The following CFTR variants were observed in gnomAD, a reference collection of about 807,000 sequenced individuals.
CFTR encodes cystic fibrosis transmembrane conductance regulator.
In CFTR, 181 loss-of-function variants were observed where a neutral mutation model predicts 171.6. The observed-to-expected ratio is 1.05, with a 90% confidence interval of 0.93 to 1.19. The LOEUF (loss-of-function observed/expected upper bound fraction) is 1.19. Among genes scored for constraint, CFTR ranks in the 50% most tolerant of loss-of-function variants. The probability of loss-of-function intolerance (pLI) is 0.00; values close to 1 mark genes in which losing one functional copy is unlikely to be tolerated. For synonymous variants in CFTR, 583 were observed against 608.0 expected, an observed-to-expected ratio of 0.96 and a Z score of 0.60; for missense variants, 1,968 against 1,734.7, an observed-to-expected ratio of 1.13 and a Z score of -2.39.
At chr7:117,540,367 A>C (rs893670925) in intron 8 of CFTR, 21 bp downstream of exon 8, 1 of 1,600,036 alleles carries the variant, frequency 6.2e-7, no homozygotes, top group Non-Finnish European at 8.6e-7. Flanking sequence ...ATAATGCTGC[A>C]TTATATACTA....
chr7:117,579,280 C>T (rs1452895436), intron 11 of CFTR, among the ~76,000 whole-genome samples: 5 of 151,680 alleles, frequency 3.3e-5, no homozygotes, highest in Non-Finnish European at 7.4e-5. Flanking sequence ...AAAAAGTGAA[C>T]CCTCTCCAAA....
intron 1 of CFTR, among the ~76,000 whole-genome samples, chr7:117,501,776 C>CA (rs796991857): frequency 2.7e-3 from 228 of 84,306 alleles, no homozygotes; most frequent in South Asian, 7.6e-3. Context: ...AAAAAAGAAA[C>CA]AAAAAAAAAA....
intron 21 of CFTR, among the ~76,000 whole-genome samples, chr7:117,621,575 T>C (rs1455076275): frequency 6.6e-6 from 1 of 152,206 alleles, no homozygotes; most frequent in Non-Finnish European, 1.5e-5. Flanking sequence ...CAATGATACA[T>C]ACATAAATCT....
rs115461322 is a variant in CFTR, at chr7:117,586,675, G to T, written c.1585-1064G>T. ...ATTGGATTATTTCTGGATTGTGAAA[G>T]AAGAAGGAAGAAGCATATGGAAGAG... On this transcript the variant is annotated intron_variant, in intron 11 of 26. Coordinates refer to ENST00000003084, the MANE Select transcript of CFTR (RefSeq NM_000492.4). Among the ~76,000 whole-genome samples, 934 of 152,170 alleles carry T rather than the reference G, an allele frequency of 6.1e-3. 9 individuals are homozygous for T. The highest frequency in any genetic ancestry group is 0.022 in the African/African-American group (898 of 41,522).
intron 24 of CFTR, among the ~76,000 whole-genome samples, chr7:117,661,207 T>C (rs1793275766): frequency 6.6e-6 from 1 of 152,230 alleles, no homozygotes; most frequent in Non-Finnish European, 1.5e-5. Context: ...TATGTTGACT[T>C]TTCTCTAATG....
chr7:117,595,711 C>T (rs544908958), intron 15 of CFTR, among the ~76,000 whole-genome samples: 86 of 151,676 alleles, frequency 5.7e-4, no homozygotes, highest in African/African-American at 2.0e-3. Flanking sequence ...AGTGAGACAC[C>T]GTATCTACAA....
At chr7:117,587,358 G>C (rs1167617203) in intron 11 of CFTR, among the ~76,000 whole-genome samples, 2 of 152,224 alleles carry the variant, frequency 1.3e-5, no homozygotes, top group Middle Eastern at 3.4e-3. Flanking sequence ...TTTGAAAAGA[G>C]TGAACTTAAA....
In CFTR at chr7:117,593,533, A is replaced by G. The variant is rs117843605; in HGVS notation, c.2490+876A>G. ...GATCCCTAAAGTGTGTAATTTTAGT[A>G]TTTCTAAACTTTATGAAGGTTTCCT... On this transcript the variant is annotated intron_variant, in intron 14 of 26. Coordinates refer to ENST00000003084, the MANE Select transcript of CFTR (RefSeq NM_000492.4). 5.8e-3 allele frequency among the ~76,000 whole-genome samples: 880 copies of G among 152,302 alleles called. 5 individuals carry two copies. Among genetic ancestry groups the G allele is most frequent in the Non-Finnish European group, 1.0e-2 (680 of 68,022 alleles).
At chr7:117,565,871 G>A (rs1384702617) in intron 11 of CFTR, among the ~76,000 whole-genome samples, 2 of 152,062 alleles carry the variant, frequency 1.3e-5, no homozygotes, top group Non-Finnish European at 2.9e-5. Flanking sequence ...AAGCTTGGGA[G>A]GGAAGTAAGC....
intron 21 of CFTR, chr7:117,616,308 G>T (rs1269743592): frequency 6.6e-6 from 1 of 151,554 alleles, no homozygotes; most frequent in African/African-American, 2.4e-5. Flanking sequence ...GTATGCTTTT[G>T]GAGTTGGGTC....
intron 1 of CFTR, among the ~76,000 whole-genome samples, chr7:117,491,558 A>G (rs1023177292): frequency 2.6e-5 from 4 of 151,888 alleles, no homozygotes; most frequent in Non-Finnish European, 5.9e-5. Context: ...CCTTTCCCCT[A>G]CCTTCTGGTG....
At chr7:117,636,297 ATGAACATGATATGCCTTTCTTTT>A (rs1308057138) in intron 22 of CFTR, among the ~76,000 whole-genome samples, 59 of 152,188 alleles carry the variant, frequency 3.9e-4, no homozygotes, top group Middle Eastern at 3.4e-3. Context: ...TTTTTTCTTT[ATGAACATGATATGCCTTTCTTTT>A]TGAACATGAT....
At chr7:117,544,832 G>C (rs1799113141) in intron 9 of CFTR, among the ~76,000 whole-genome samples, 1 of 152,102 alleles carries the variant, frequency 6.6e-6, no homozygotes, top group Non-Finnish European at 1.5e-5. Flanking sequence ...CATAGATTCT[G>C]CTATCACCAA....
intron 17 of CFTR, among the ~76,000 whole-genome samples, chr7:117,604,587 A>G (rs1391355398): frequency 6.6e-6 from 1 of 152,210 alleles, no homozygotes; most frequent in Admixed American, 6.5e-5. Flanking sequence ...TTCCAAGACT[A>G]AAATTTTCAG....
chr7:117,499,496 A>T (rs1430791568), intron 1 of CFTR, among the ~76,000 whole-genome samples: 1 of 146,592 alleles, frequency 6.8e-6, no homozygotes, highest in African/African-American at 2.6e-5. Flanking sequence ...TTTCCTCAAT[A>T]AAATCTGAAA....
chr7:117,550,455 C>T (rs2115909270), intron 10 of CFTR, among the ~76,000 whole-genome samples: 1 of 152,104 alleles, frequency 6.6e-6, no homozygotes, highest in South Asian at 2.1e-4. Context: ...TTTTTTCTTA[C>T]AAAAACATTT....
intron 7 of CFTR, among the ~76,000 whole-genome samples, chr7:117,536,881 A>C (rs145718636): frequency 6.6e-6 from 1 of 152,142 alleles, no homozygotes; most frequent in Non-Finnish European, 1.5e-5. Flanking sequence ...GTGTTATTTT[A>C]TGCTGCAAGT....
At chr7:117,522,634 G>A (rs1798701822) in intron 3 of CFTR, among the ~76,000 whole-genome samples, 1 of 152,120 alleles carries the variant, frequency 6.6e-6, no homozygotes, top group African/African-American at 2.4e-5. Flanking sequence ...GCAAGCCTAA[G>A]TTTGCTTGTA....
intron 23 of CFTR, among the ~76,000 whole-genome samples, chr7:117,646,707 T>A (rs1238616022): frequency 1.3e-5 from 2 of 151,860 alleles, no homozygotes; most frequent in Non-Finnish European, 2.9e-5. Context: ...GCTAGGAAAC[T>A]CTCCAGCTAT....
Sources: allele counts gnomAD v4.1 joint callset (sites outside exome capture counted in the v4.1 genomes callset), GRCh38; gene constraint gnomAD v4.1.1; transcripts MANE v1.5; gene names NCBI Gene and HGNC (gene_info 2026-07-23, HGNC 2026-07-21).